The following PEX1 variants were observed in gnomAD, a reference collection of about 807,000 sequenced individuals.
The protein encoded by PEX1 is peroxisomal biogenesis factor 1.
A neutral mutation model predicts 152.5 loss-of-function variants in PEX1; 97 were observed. The ratio of observed to expected loss-of-function variants is 0.64; its 90% CI spans 0.54 to 0.75. The LOEUF is 0.75. Ranked by LOEUF, PEX1 falls within the 30% of genes least tolerant of loss-of-function variation. The pLI is 0.00. For missense variants in PEX1, 1,357 were observed against 1,516.3 expected (o/e 0.89, Z 1.74); for synonymous variants, 485 against 531.6 (o/e 0.91, Z 1.21).
chr7:92,517,241 T>A (rs751923882), intron 5 of PEX1, 35 bp downstream of exon 5: 8 of 1,508,846 alleles, frequency 5.3e-6, no homozygotes, highest in Non-Finnish European at 6.5e-6. Flanking sequence ...TTAAGCCACA[T>A]AAAATTTCTC....
intron 17 of PEX1, 39 bp from the exon 18 acceptor site, chr7:92,494,668 T>G (rs1208639360): frequency 7.5e-6 from 12 of 1,602,678 alleles, no homozygotes; most frequent in Non-Finnish European, 1.0e-5. Context: ...TGAATCAGGC[T>G]TCATAGTTGG....
At chr7:92,512,739 C>T (rs1311339993) in intron 6 of PEX1, among the ~76,000 whole-genome samples, 2 of 152,210 alleles carry the variant, frequency 1.3e-5, no homozygotes, top group Non-Finnish European at 2.9e-5. Context: ...ATCCACCCAT[C>T]TCAGCCTCCC....
At position 92,491,473 on chromosome 7, in the gene PEX1, T is replaced by G. The variant is rs1585214695; in HGVS notation, c.3237A>C (p.Leu1079=). 6.2e-7 allele frequency: 1 copy of G among 1,612,366 alleles called. No individual in the cohort carries two copies. Among genetic ancestry groups the G allele is most frequent in the Non-Finnish European group, 8.5e-7 (1 of 1,178,540 alleles). ...QDGSSSSDSD[L]SLSSMVFLNH... ...TAAGAAAGACCATTGAAGACAGACT[T>G]AGGTCACTATCAGAGCTGGAACTTC... The change falls in exon 21 of 24, where the codon CTA becomes CTC. Residue 1079 remains leucine (L), a synonymous_variant. Transcript: ENST00000248633.
chr7:92,502,400 G>T lies in PEX1; in HGVS notation c.2227-321C>A, dbSNP rs544078701. Among the ~76,000 whole-genome samples the T allele has an allele frequency of 7.0e-4, 106 of 152,170 alleles. No individual in the cohort carries two copies. In the Middle Eastern group the frequency reaches 0.01, roughly 15 times the overall value. ...TTGTGAAAAAATCACATTAATAAATGATTGTCATTTCTTTCTCCAATAAGA... is the reference window on the plus strand; with the variant it reads ...TTGTGAAAAAATCACATTAATAAATTATTGTCATTTCTTTCTCCAATAAGA... On this transcript the variant is annotated intron_variant, in intron 13 of 23. Coordinates refer to ENST00000248633, the MANE Select transcript of PEX1 (RefSeq NM_000466.3).
chr7:92,527,445 G>C (rs770234849), intron 1 of PEX1, among the ~76,000 whole-genome samples: 6 of 152,206 alleles, frequency 3.9e-5, no homozygotes, highest in Non-Finnish European at 8.8e-5. Flanking sequence ...GGATTCTGCT[G>C]AACTCATGTT....
At chr7:92,490,499 G>C (rs574717659) in intron 21 of PEX1, among the ~76,000 whole-genome samples, 16 of 152,102 alleles carry the variant, frequency 1.1e-4, no homozygotes, top group African/African-American at 3.9e-4. Context: ...GCTGGGCATG[G>C]TGGCATGTGC....
Position 92,501,676 on chromosome 7 carries a change from GTTTAAAAATA to G in PEX1, c.2417-13_2417-4del. The G allele has an allele frequency of 6.2e-7, 1 of 1,610,828 alleles. No individual in the cohort carries two copies. ...GTCCAATGTTGTTAAAACTAATTCT[GTTTAAAAATA>G]AACAAAACTTCTTTTACTAGTTATA... On this transcript the variant is annotated splice_polypyrimidine_tract_variant and splice_region_variant and intron_variant, in intron 14 of 23. Coordinates refer to ENST00000248633, the MANE Select transcript of PEX1 (RefSeq NM_000466.3).
intron 6 of PEX1, among the ~76,000 whole-genome samples, chr7:92,512,572 A>G (rs182300988): frequency 9.6e-4 from 146 of 152,240 alleles, no homozygotes; most frequent in African/African-American, 3.3e-3. Flanking sequence ...GCTCACTGCA[A>G]CTTCCACCTC....
chr7:92,528,491 C>A lies in PEX1; in HGVS notation c.-56G>T. The A allele has an allele frequency of 6.6e-7, 1 of 1,504,816 alleles. No individual in the cohort carries two copies. The highest frequency in any genetic ancestry group is 8.9e-7 in the Non-Finnish European group (1 of 1,126,930). 93.2% of individuals were successfully genotyped at this position (1,504,816 alleles called of 1,614,324 possible). A position where few individuals can be genotyped will look rare whatever the true frequency, so the allele number is the denominator to read the frequency against. On this transcript the variant is annotated 5_prime_UTR_variant, in exon 1 of 24. Transcript: ENST00000248633. ...CCCTAGCGCCGCAAAGGACCCGGGA[C>A]CCGGCAGGCCGAGGACGTCGGAGCC...
chr7:92,489,518 A>G (rs1442717768), intron 22 of PEX1, 95 bp from the exon 23 acceptor site: 5 of 1,180,666 alleles, frequency 4.2e-6, no homozygotes, highest in African/African-American at 1.5e-5. Context: ...AGTTTTTTCA[A>G]GAGACCATAC....
chr7:92,498,819 TAA>T (rs1391084524), intron 16 of PEX1, among the ~76,000 whole-genome samples: 1 of 152,162 alleles, frequency 6.6e-6, no homozygotes, highest in African/African-American at 2.4e-5. Flanking sequence ...AACAGAACCA[TAA>T]AAACCCCAGC....
At chr7:92,527,236 G>A (rs549029499) in intron 1 of PEX1, among the ~76,000 whole-genome samples, 1 of 152,324 alleles carries the variant, frequency 6.6e-6, no homozygotes, top group African/African-American at 2.4e-5. Context: ...TCAAATTAGA[G>A]TTACTGTAAG....
At chr7:92,488,683 C>G (rs780203545) in intron 23 of PEX1, among the ~76,000 whole-genome samples, 9 of 151,786 alleles carry the variant, frequency 5.9e-5, no homozygotes, top group Admixed American at 1.3e-4. Flanking sequence ...ACATTAGAAT[C>G]ACTTTCAACT....
chr7:92,498,952 G>A (rs1175390385), intron 16 of PEX1, among the ~76,000 whole-genome samples: 1 of 152,204 alleles, frequency 6.6e-6, no homozygotes, highest in Non-Finnish European at 1.5e-5. Flanking sequence ...CCTTAAGCAA[G>A]AACATAATAA....
At position 92,517,406 on chromosome 7, in the gene PEX1, A is replaced by G. The variant is rs1562866173; in HGVS notation, c.1109T>C (p.Ile370Thr). 1 of 1,600,948 alleles carries G rather than the reference A, an allele frequency of 6.2e-7. No individual in the cohort carries two copies. The highest frequency in any genetic ancestry group is 8.5e-7 in the Non-Finnish European group (1 of 1,170,094). ...ATCTTCTTCATTATGATCTGACCTA[A>G]TTTTTTTTTGATCTAGTGGCTCTGA... ...QMSEPLDQKK[I>T]RSDHNEEDEK... is the part of the protein sequence containing the mutation. The change falls in exon 5 of 24, where the codon ATT (isoleucine) becomes ACT (threonine). Residue 370 changes from isoleucine to threonine, a missense_variant. Ile to Thr is a moderately conservative substitution (Grantham distance 89, BLOSUM62 -1). Coordinates refer to ENST00000248633, the MANE Select transcript of PEX1 (RefSeq NM_000466.3).
At chr7:92,514,362 T>C (rs1414163079) in intron 5 of PEX1, among the ~76,000 whole-genome samples, 2 of 152,212 alleles carry the variant, frequency 1.3e-5, no homozygotes, top group Non-Finnish European at 2.9e-5. Flanking sequence ...TCAGATATTG[T>C]TATACCATGA....
Position 92,522,228 on chromosome 7 carries a change from C to T in PEX1, c.147G>A (p.Val49=), listed in dbSNP as rs202230667. 114 of 1,614,052 alleles carry T rather than the reference C, an allele frequency of 7.1e-5. No individual in the cohort carries two copies. Among genetic ancestry groups the T allele is most frequent in the Middle Eastern group, 6.6e-4 (4 of 6,058 alleles). ...AGAATGCAGGCTGGTGACTCCAGACCACTTCTATAGCTTGATTCTATTCAT... is the reference window on the plus strand; with the variant it reads ...AGAATGCAGGCTGGTGACTCCAGACTACTTCTATAGCTTGATTCTATTCAT... ...LHLLQNQAIE[V]VWSHQPAFLS... is the part of the protein sequence containing the mutation. Residue 49 remains valine, a synonymous_variant, in exon 2 of 24, where the codon GTG becomes GTA. Transcript: ENST00000248633.
intron 12 of PEX1, among the ~76,000 whole-genome samples, chr7:92,504,320 A>G (rs1792073921): frequency 1.3e-5 from 2 of 152,128 alleles, no homozygotes; most frequent in African/African-American, 4.8e-5. Context: ...AAGAAAGCCA[A>G]GAAAGGGCTG....
intron 13 of PEX1, among the ~76,000 whole-genome samples, chr7:92,502,741 A>G (rs928151650): frequency 4.0e-5 from 6 of 151,628 alleles, no homozygotes; most frequent in African/African-American, 9.7e-5. Flanking sequence ...GTGATGGTGG[A>G]AAAAAAAAGT....
Sources: gnomAD v4.1 joint callset for allele counts (sites outside exome capture counted in the v4.1 genomes callset) on GRCh38, gnomAD v4.1.1 for gene constraint, MANE v1.5 for transcripts, NCBI Gene and HGNC (gene_info 2026-07-23, HGNC 2026-07-21) for gene names.